SEMA6D: variants seen among roughly 807,000 people sequenced by gnomAD.
SEMA6D encodes semaphorin 6D.
In SEMA6D, 35 loss-of-function variants were observed where a neutral mutation model predicts 106.6. That is an observed-to-expected ratio of 0.33 (90% CI 0.25 to 0.44). SEMA6D has a LOEUF of 0.44. SEMA6D is among the 20% of genes least tolerant of loss of function. The pLI is 1.00. For missense variants in SEMA6D, 1,185 were observed against 1,345.9 expected (o/e 0.88, Z 1.87); for synonymous variants, 499 against 487.7 (o/e 1.02, Z -0.31).
intron 1 of SEMA6D, among the ~76,000 whole-genome samples, chr15:47,292,900 G>A (rs1411708745): frequency 2.0e-5 from 3 of 152,136 alleles, no homozygotes; most frequent in African/African-American, 4.8e-5. Flanking sequence ...ATTTCATGCT[G>A]CTTGGCAGTC....
intron 1 of SEMA6D, among the ~76,000 whole-genome samples, chr15:47,319,863 A>G (rs1415545143): frequency 6.6e-6 from 1 of 152,094 alleles, no homozygotes; most frequent in African/African-American, 2.4e-5. Context: ...AGTTCCCTGG[A>G]GTTTTTAACT....
chr15:47,266,577 A>G (rs1204960997), intron 1 of SEMA6D, among the ~76,000 whole-genome samples: 3 of 152,118 alleles, frequency 2.0e-5, no homozygotes, highest in Admixed American at 1.3e-4. Flanking sequence ...CAGCAACACC[A>G]TGCTTAAGAC....
chr15:47,412,219 A>G (rs569256447), intron 1 of SEMA6D, among the ~76,000 whole-genome samples: 76 of 151,522 alleles, frequency 5.0e-4, no homozygotes, highest in African/African-American at 1.6e-3. Context: ...CAGAGAGAGG[A>G]AAAAAAAAGA....
intron 2 of SEMA6D, among the ~76,000 whole-genome samples, chr15:47,448,209 C>T (rs1309316145): frequency 6.6e-6 from 1 of 152,092 alleles, no homozygotes; most frequent in Non-Finnish European, 1.5e-5. Context: ...TACCCCCAAC[C>T]CAAATATTAA....
chr15:47,291,906 CAA>C (rs1323416709), intron 1 of SEMA6D, among the ~76,000 whole-genome samples: 6 of 152,128 alleles, frequency 3.9e-5, no homozygotes, highest in African/African-American at 1.2e-4. Flanking sequence ...CAACAGTAAG[CAA>C]AGTTTGGCCT....
At chr15:47,259,838 T>G (rs1056821334) in intron 1 of SEMA6D, among the ~76,000 whole-genome samples, 2 of 152,092 alleles carry the variant, frequency 1.3e-5, no homozygotes, top group Non-Finnish European at 2.9e-5. Flanking sequence ...CATTGTCCCA[T>G]AGGTCCCAAA....
At chr15:47,338,498 C>T (rs1273944342) in intron 1 of SEMA6D, among the ~76,000 whole-genome samples, 1 of 151,924 alleles carries the variant, frequency 6.6e-6, no homozygotes, top group Non-Finnish European at 1.5e-5. Flanking sequence ...AATGTATACA[C>T]CTACTATGTA....
At chr15:47,290,592 T>C (rs980074205) in intron 1 of SEMA6D, among the ~76,000 whole-genome samples, 1 of 148,560 alleles carries the variant, frequency 6.7e-6, no homozygotes, top group Non-Finnish European at 1.5e-5. Flanking sequence ...TATTAATTAC[T>C]ACAAATATAT....
At chr15:47,405,151 G>A (rs2040520228) in intron 1 of SEMA6D, among the ~76,000 whole-genome samples, 1 of 152,146 alleles carries the variant, frequency 6.6e-6, no homozygotes, top group South Asian at 2.1e-4. Flanking sequence ...GAAGGACAGG[G>A]CTGTTCAGGG....
At chr15:47,510,882 T>A (rs1208101596) in intron 3 of SEMA6D, among the ~76,000 whole-genome samples, 1 of 152,200 alleles carries the variant, frequency 6.6e-6, no homozygotes, top group East Asian at 1.9e-4. Context: ...ATATGGCACT[T>A]GGTTCTTAAA....
chr15:47,440,927 C>A (rs2041862902), intron 2 of SEMA6D, among the ~76,000 whole-genome samples: 1 of 152,066 alleles, frequency 6.6e-6, no homozygotes, highest in African/African-American at 2.4e-5. Context: ...CTTTCTTTGA[C>A]CTTTAGGAGA....
At chr15:47,556,484 G>A (rs1330311838) in intron 3 of SEMA6D, among the ~76,000 whole-genome samples, 1 of 152,122 alleles carries the variant, frequency 6.6e-6, no homozygotes, top group South Asian at 2.1e-4. Flanking sequence ...TTGATTACCT[G>A]TTATGTATGA....
chr15:47,742,237 A>G (rs954442585), intron 1 of SEMA6D, among the ~76,000 whole-genome samples: 1 of 152,252 alleles, frequency 6.6e-6, no homozygotes, highest in Non-Finnish European at 1.5e-5. Context: ...TCACACTTGT[A>G]TAGCACCTTT....
intron 1 of SEMA6D, among the ~76,000 whole-genome samples, chr15:47,316,835 T>C (rs2036701358): frequency 6.6e-6 from 1 of 152,140 alleles, no homozygotes; most frequent in African/African-American, 2.4e-5. Flanking sequence ...TTGTTGAAGT[T>C]TTTGCATTCA....
At chr15:47,320,119 T>G (rs908077371) in intron 1 of SEMA6D, among the ~76,000 whole-genome samples, 20 of 152,282 alleles carry the variant, frequency 1.3e-4, no homozygotes, top group Non-Finnish European at 2.2e-4. Flanking sequence ...TCTTTCAAGC[T>G]CCTTACACCA....
At chr15:47,495,724 A>G (rs2043632396) in intron 3 of SEMA6D, among the ~76,000 whole-genome samples, 1 of 152,062 alleles carries the variant, frequency 6.6e-6, no homozygotes, top group Non-Finnish European at 1.5e-5. Flanking sequence ...TAAAACAAAT[A>G]TTAAGTTATT....
At chr15:47,592,561 GATTAGT>G (rs1471077530) in intron 3 of SEMA6D, among the ~76,000 whole-genome samples, 4 of 152,112 alleles carry the variant, frequency 2.6e-5, no homozygotes, top group Admixed American at 1.3e-4. Flanking sequence ...GAGTTTCTGT[GATTAGT>G]CATTTAACTG....
intron 1 of SEMA6D, among the ~76,000 whole-genome samples, chr15:47,720,394 C>T (rs1280777841): frequency 6.7e-6 from 1 of 149,460 alleles, no homozygotes; most frequent in Non-Finnish European, 1.5e-5. Context: ...TTGCCGTCTT[C>T]CTCTTCTTTC....
chr15:47,291,400 C>G (rs2035587461), intron 1 of SEMA6D, among the ~76,000 whole-genome samples: 1 of 152,188 alleles, frequency 6.6e-6, no homozygotes, highest in African/African-American at 2.4e-5. Context: ...AAATGGGGAC[C>G]TGAGGATGCA....
Sources: allele counts gnomAD v4.1 joint callset (sites outside exome capture counted in the v4.1 genomes callset), GRCh38; gene constraint gnomAD v4.1.1; transcripts MANE v1.5; gene names NCBI Gene and HGNC (gene_info 2026-07-23, HGNC 2026-07-21).